Variants in ADGRL3 observed in about 807,000 individuals in gnomAD.
ADGRL3 encodes calcium-independent alpha-latrotoxin receptor 3.
Under a neutral mutation model 153.5 loss-of-function variants are expected in ADGRL3, and 62 were observed. The observed-to-expected ratio is 0.40, with a 90% CI of 0.33 to 0.50. The LOEUF (loss-of-function observed/expected upper bound fraction) is 0.50, where lower values mean the gene tolerates loss of function less well. Among genes scored for constraint, ADGRL3 ranks in the 20% least tolerant of loss-of-function variants. ADGRL3 has a pLI of 0.47. For synonymous variants in ADGRL3, 710 were observed against 672.5 expected (o/e 1.06, Z -0.86); for missense variants, 1,641 against 1,859.4 (o/e 0.88, Z 2.16).
At chr4:61,822,223 G>A (rs77278835) in intron 9 of ADGRL3, among the ~76,000 whole-genome samples, 16,046 of 152,166 alleles carry the variant, frequency 0.11, 911 homozygotes, top group Middle Eastern at 0.15. Context: ...TGCTTGTAAA[G>A]CCAAACATTT....
intron 24 of ADGRL3, among the ~76,000 whole-genome samples, chr4:62,041,535 G>A (rs1728285058): frequency 1.3e-5 from 2 of 151,866 alleles, no homozygotes; most frequent in Admixed American, 6.6e-5. Flanking sequence ...CTAGGAAATA[G>A]AACATTTTCA....
At chr4:61,311,658 A>G (rs1368000311) in intron 1 of ADGRL3, among the ~76,000 whole-genome samples, 3 of 152,306 alleles carry the variant, frequency 2.0e-5, no homozygotes, top group Admixed American at 2.0e-4. Context: ...TGAAGAATGA[A>G]GTAGGAGGAC....
At chr4:61,764,227 TC>T (rs1323199133) in intron 8 of ADGRL3, among the ~76,000 whole-genome samples, 2 of 152,188 alleles carry the variant, frequency 1.3e-5, no homozygotes, top group African/African-American at 2.4e-5. Flanking sequence ...TTCATGTGCG[TC>T]CGTGTGAAGA....
intron 6 of ADGRL3, among the ~76,000 whole-genome samples, chr4:61,725,383 C>G (rs2096311590): frequency 6.6e-6 from 1 of 151,830 alleles, no homozygotes; most frequent in Non-Finnish European, 1.5e-5. Context: ...GAGGCTGAGA[C>G]GGGCAAATCA....
At chr4:61,412,405 G>T (rs770990982) in intron 2 of ADGRL3, among the ~76,000 whole-genome samples, 3 of 152,062 alleles carry the variant, frequency 2.0e-5, no homozygotes, top group Non-Finnish European at 2.9e-5. Flanking sequence ...TCAATTCTTG[G>T]CCACAGATAC....
At chr4:61,438,771 G>A (rs922255281) in intron 2 of ADGRL3, among the ~76,000 whole-genome samples, 1 of 148,734 alleles carries the variant, frequency 6.7e-6, no homozygotes, top group Non-Finnish European at 1.5e-5. Context: ...GCAGTGGTGC[G>A]ATCTCGGCTC....
intron 4 of ADGRL3, among the ~76,000 whole-genome samples, chr4:61,544,686 A>G (rs1456065124): frequency 1.3e-5 from 2 of 152,220 alleles, no homozygotes; most frequent in Admixed American, 1.3e-4. Context: ...ATTAATTTGA[A>G]GTTTTTATAT....
At chr4:61,506,930 A>G (rs1469534007) in intron 3 of ADGRL3, among the ~76,000 whole-genome samples, 1 of 152,138 alleles carries the variant, frequency 6.6e-6, no homozygotes, top group African/African-American at 2.4e-5. Context: ...TAGGTTAAAA[A>G]CGTAAAAATA....
chr4:61,497,099 CTT>C lies in ADGRL3; in HGVS notation c.-173-13_-173-12del. ...TACTTACTTATTTTATACAATAACCCTTTTTTTTTTCTTTTTTGCAGGTTTCA... is the reference window on the plus strand; with the variant it reads ...TACTTACTTATTTTATACAATAACCCTTTTTTTTCTTTTTTGCAGGTTTCA... On this transcript the variant is annotated intron_variant, in intron 2 of 26. Transcript: ENST00000683033. The C allele has an allele frequency of 1.0e-5, 5 of 499,726 alleles. No homozygotes were observed. Among genetic ancestry groups the C allele is most frequent in the Admixed American group, 4.1e-5 (1 of 24,316 alleles). The allele number at this position is 499,726 out of a possible 1,614,324, so 31.0% of individuals were successfully genotyped here. A position where few individuals can be genotyped will look rare whatever the true frequency, so the allele number is the denominator to read the frequency against.
At chr4:61,916,815 T>G (rs1212320283) in intron 13 of ADGRL3, among the ~76,000 whole-genome samples, 1 of 152,220 alleles carries the variant, frequency 6.6e-6, no homozygotes, top group East Asian at 1.9e-4. Context: ...TAGCTGGGCA[T>G]GGTGGTACAT....
intron 8 of ADGRL3, among the ~76,000 whole-genome samples, chr4:61,778,227 A>G (rs556684632): frequency 4.3e-4 from 66 of 152,354 alleles, no homozygotes; most frequent in African/African-American, 1.5e-3. Context: ...CATCCCCAAG[A>G]TATCTCAAAT....
chr4:61,693,799 C>A (rs898316135), intron 6 of ADGRL3, among the ~76,000 whole-genome samples: 2 of 152,092 alleles, frequency 1.3e-5, no homozygotes, highest in African/African-American at 4.8e-5. Context: ...TATTAAATAG[C>A]ATCTTGTGAA....
intron 5 of ADGRL3, among the ~76,000 whole-genome samples, chr4:61,626,191 A>G (rs917654935): frequency 6.6e-6 from 1 of 152,062 alleles, no homozygotes; most frequent in African/African-American, 2.4e-5. Flanking sequence ...ATATTCCTGT[A>G]TAGTGATTAA....
chr4:61,207,124 C>T (rs899479828), intron 1 of ADGRL3, among the ~76,000 whole-genome samples: 1 of 151,908 alleles, frequency 6.6e-6, no homozygotes, highest in Non-Finnish European at 1.5e-5. Flanking sequence ...CAGGTATACA[C>T]GTGCCATGGT....
At chr4:61,929,013 C>G (rs1239714638) in intron 13 of ADGRL3, among the ~76,000 whole-genome samples, 6 of 152,050 alleles carry the variant, frequency 3.9e-5, no homozygotes, top group African/African-American at 1.2e-4. Context: ...AAAATCAGAA[C>G]AAATATAGAT....
chr4:61,887,571 G>A (rs750197966), intron 9 of ADGRL3, among the ~76,000 whole-genome samples: 5 of 152,118 alleles, frequency 3.3e-5, no homozygotes, highest in Non-Finnish European at 7.3e-5. Context: ...AACGGGCCAG[G>A]TGTGGTGGCC....
At chr4:61,258,285 C>T (rs1315972484) in intron 1 of ADGRL3, among the ~76,000 whole-genome samples, 2 of 152,148 alleles carry the variant, frequency 1.3e-5, no homozygotes, top group Non-Finnish European at 2.9e-5. Context: ...TGGTTACTTT[C>T]CTTCTGTATT....
intron 5 of ADGRL3, among the ~76,000 whole-genome samples, chr4:61,603,179 G>A (rs896277809): frequency 2.6e-5 from 4 of 152,090 alleles, no homozygotes; most frequent in African/African-American, 7.2e-5. Context: ...CACCCACACA[G>A]TATTTACATT....
chr4:61,359,256 A>G (rs2096246057), intron 1 of ADGRL3, among the ~76,000 whole-genome samples: 1 of 152,196 alleles, frequency 6.6e-6, no homozygotes, highest in African/African-American at 2.4e-5. Context: ...GCTGCCTATA[A>G]TCTATTCTCA....
Sources: gnomAD v4.1 joint callset for allele counts (sites outside exome capture counted in the v4.1 genomes callset) on GRCh38, gnomAD v4.1.1 for gene constraint, MANE v1.5 for transcripts, NCBI Gene and HGNC (gene_info 2026-07-23, HGNC 2026-07-21) for gene names.